IRAK2: variants seen among roughly 807,000 people sequenced by gnomAD.
IRAK2 encodes interleukin 1 receptor associated kinase 2, also known as interleukin-1 receptor-associated kinase-like 2.
In IRAK2, 57 loss-of-function variants were observed where a neutral mutation model predicts 72.0. The observed-to-expected ratio is 0.79, with a 90% CI of 0.64 to 0.99. The LOEUF (loss-of-function observed/expected upper bound fraction) is 0.99, where lower values mean the gene tolerates loss of function less well. IRAK2 is among the 50% of genes least tolerant of loss of function. IRAK2 has a pLI of 0.00. For missense variants in IRAK2, 790 were observed against 794.4 expected (o/e 0.99, Z 0.07); for synonymous variants, 293 against 312.7 (o/e 0.94, Z 0.67).
In IRAK2 at chr3:10,183,435, G is replaced by C. The variant is rs112038147; in HGVS notation, c.277+5415G>C. Among the ~76,000 whole-genome samples, 277 of 152,232 alleles carry C rather than the reference G, an allele frequency of 1.8e-3. 1 individual carries two copies. The highest frequency in any genetic ancestry group is 6.4e-3 in the African/African-American group (265 of 41,564). On this transcript the variant is annotated intron_variant, in intron 2 of 12. Transcript: ENST00000256458. ...CACTGAATACTCTAAGAATTAGAATGGGCCGGGCGCAGTGGCTCAAGCCTG... is the reference window on the plus strand; with the variant it reads ...CACTGAATACTCTAAGAATTAGAATCGGCCGGGCGCAGTGGCTCAAGCCTG...
chr3:10,229,552 T>C (rs1239718063), intron 10 of IRAK2, among the ~76,000 whole-genome samples: 3 of 152,226 alleles, frequency 2.0e-5, no homozygotes, highest in Non-Finnish European at 4.4e-5. Context: ...CACATAGCTC[T>C]ATCTTCTTTA....
At chr3:10,225,750 G>A (rs942107699) in intron 9 of IRAK2, among the ~76,000 whole-genome samples, 2 of 151,010 alleles carry the variant, frequency 1.3e-5, no homozygotes, top group African/African-American at 4.9e-5. Context: ...CCAGGCTGGA[G>A]TGCAGTGGTG....
chr3:10,242,294 G>A lies in IRAK2; in HGVS notation c.*66G>A. 5.6e-6 allele frequency: 5 copies of A among 900,604 alleles called. No homozygotes were observed. Among genetic ancestry groups the A allele is most frequent in the Non-Finnish European group, 8.7e-6 (5 of 575,106 alleles). 55.8% of individuals were successfully genotyped at this position (900,604 alleles called of 1,614,324 possible). ...AGATGAGCATCAGATCAAGAAAAAG[G>A]TCTGAGGCAGAATCCAAGATCTGCC... is the stretch of plus-strand genomic sequence containing the variant. On this transcript the variant is annotated 3_prime_UTR_variant, in exon 13 of 13. Coordinates refer to ENST00000256458, the MANE Select transcript of IRAK2 (RefSeq NM_001570.4).
chr3:10,215,720 A>G (rs1697594304), intron 6 of IRAK2, among the ~76,000 whole-genome samples: 1 of 150,842 alleles, frequency 6.6e-6, no homozygotes, highest in Non-Finnish European at 1.5e-5. Flanking sequence ...TGCTTTCTCT[A>G]TTCATACATG....
chr3:10,168,520 T>C (rs73026506), intron 1 of IRAK2, among the ~76,000 whole-genome samples: 54,622 of 152,062 alleles, frequency 0.36, 10,564 homozygotes, highest in African/African-American at 0.5. Flanking sequence ...TTATTGTTGC[T>C]TTTTTGATGG....
At chr3:10,233,436 CAATAT>C (rs1437850110) in intron 10 of IRAK2, among the ~76,000 whole-genome samples, 4 of 151,850 alleles carry the variant, frequency 2.6e-5, no homozygotes, top group South Asian at 4.2e-4. Context: ...ATGAAATATA[CAATAT>C]AATTTATATT....
intron 12 of IRAK2, among the ~76,000 whole-genome samples, chr3:10,241,066 G>A: frequency 6.6e-6 from 1 of 151,700 alleles, no homozygotes; most frequent in Non-Finnish European, 1.5e-5. Flanking sequence ...TCTCCTTTCT[G>A]GAAGGCCAGG....
intron 1 of IRAK2, among the ~76,000 whole-genome samples, chr3:10,170,400 C>T (rs1401172419): frequency 6.6e-5 from 10 of 152,192 alleles, no homozygotes; most frequent in African/African-American, 1.2e-4. Flanking sequence ...TCACAGGTCT[C>T]GGGGCTTAGG....
chr3:10,190,752 G>A (rs1285690144), intron 2 of IRAK2, among the ~76,000 whole-genome samples: 1 of 152,192 alleles, frequency 6.6e-6, no homozygotes, highest in Non-Finnish European at 1.5e-5. Flanking sequence ...CATTAGCCAG[G>A]ATAGGCTTGG....
chr3:10,165,721 AT>A (rs34176794), intron 1 of IRAK2, among the ~76,000 whole-genome samples: 4,269 of 76,678 alleles, frequency 0.056, 147 homozygotes, highest in Middle Eastern at 0.14. Context: ...GTCTTGAACT[AT>A]TTTTTTTTTT....
intron 2 of IRAK2, among the ~76,000 whole-genome samples, chr3:10,194,710 C>A (rs1306328581): frequency 6.6e-6 from 1 of 152,152 alleles, no homozygotes; most frequent in Non-Finnish European, 1.5e-5. Context: ...CATGCATGGG[C>A]CTGCCTGTCC....
At chr3:10,184,209 G>A (rs1382324603) in intron 2 of IRAK2, among the ~76,000 whole-genome samples, 1 of 152,150 alleles carries the variant, frequency 6.6e-6, no homozygotes, top group Non-Finnish European at 1.5e-5. Context: ...GGCCAAACCT[G>A]GTCACAGAAC....
At chr3:10,175,535 C>T (rs577001493) in intron 1 of IRAK2, among the ~76,000 whole-genome samples, 2 of 152,238 alleles carry the variant, frequency 1.3e-5, no homozygotes, top group African/African-American at 4.8e-5. Context: ...GGGAAGATTG[C>T]TTGAGGCGAG....
rs1697775704 is a variant in IRAK2, at chr3:10,226,378, C to T, written c.1217C>T (p.Ala406Val). The T allele has an allele frequency of 6.2e-7, 1 of 1,613,144 alleles. No homozygotes were observed. The highest frequency in any genetic ancestry group is 1.1e-5 in the South Asian group (1 of 91,012). Residue 406 changes from alanine to valine, a missense_variant, in exon 10 of 13, where the codon GCC becomes GTC. Ala to Val is a moderately conservative substitution (Grantham distance 64). Transcript: ENST00000256458. ...ACGTTCTGTTCTCTCCAGGTGTTGG[C>T]CGAGGTCCTCACGGGCATCCCTGCA... ...VDIFSCGIVL[A>V]EVLTGIPAMD...
At chr3:10,165,414 G>A (rs980288030) in intron 1 of IRAK2, among the ~76,000 whole-genome samples, 1 of 151,760 alleles carries the variant, frequency 6.6e-6, no homozygotes, top group Non-Finnish European at 1.5e-5. Flanking sequence ...GACCCACGGT[G>A]CTGTCACTTC....
chr3:10,228,885 A>T (rs1178314114), intron 10 of IRAK2, among the ~76,000 whole-genome samples: 1 of 152,130 alleles, frequency 6.6e-6, no homozygotes, highest in Admixed American at 6.5e-5. Context: ...TGCCTAGAGA[A>T]ACATGCACAC....
intron 6 of IRAK2, among the ~76,000 whole-genome samples, chr3:10,216,041 A>G (rs1383238893): frequency 6.6e-6 from 1 of 152,164 alleles, no homozygotes; most frequent in Non-Finnish European, 1.5e-5. Context: ...GGCTTGCGGG[A>G]AGCAGAGGAG....
At chr3:10,206,327 C>T (rs1186646211) in intron 3 of IRAK2, among the ~76,000 whole-genome samples, 2 of 152,172 alleles carry the variant, frequency 1.3e-5, no homozygotes, top group Non-Finnish European at 1.5e-5. Flanking sequence ...GAGCCAGCCA[C>T]AGCCAGGCCC....
intron 4 of IRAK2, among the ~76,000 whole-genome samples, chr3:10,212,960 G>T (rs929072942): frequency 1.3e-5 from 2 of 151,934 alleles, no homozygotes; most frequent in Non-Finnish European, 2.9e-5. Context: ...AGTAGAGACG[G>T]GGTTTCACTG....
Sources: allele counts gnomAD v4.1 joint callset (sites outside exome capture counted in the v4.1 genomes callset), GRCh38; gene constraint gnomAD v4.1.1; transcripts MANE v1.5; gene names NCBI Gene and HGNC (gene_info 2026-07-23, HGNC 2026-07-21).